DHRS3: variants seen among roughly 807,000 people sequenced by gnomAD.
The protein encoded by DHRS3 is dehydrogenase/reductase 3, also known as short-chain dehydrogenase/reductase 3.
In DHRS3, 14 loss-of-function variants were observed where a neutral mutation model predicts 27.2. The observed-to-expected ratio is 0.52, with a 90% CI of 0.34 to 0.81. The LOEUF (loss-of-function observed/expected upper bound fraction) is 0.81. DHRS3 is among the 30% of genes least tolerant of loss of function. The pLI, the probability that DHRS3 is intolerant of heterozygous loss-of-function variation, is 0.01. For missense variants in DHRS3, 322 were observed against 406.2 expected (o/e 0.79, Z 1.78); for synonymous variants, 165 against 175.9 (o/e 0.94, Z 0.49).
Position 12,568,347 on chromosome 1 carries a change from C to G in DHRS3, c.902G>C (p.Arg301Pro), listed in dbSNP as rs753987334. 6.2e-7 allele frequency: 1 copy of G among 1,613,706 alleles called. No homozygotes were observed. Among genetic ancestry groups the G allele is most frequent in the Non-Finnish European group, 8.5e-7 (1 of 1,179,656 alleles). ...CATGTCTTCATCCTGTCTCTATGTC[C>G]GCCCTTTGAAAGTGTTCATGCAGGT... is the stretch of plus-strand genomic sequence containing the variant. ...TYTCMNTFKG[R>P]T is the part of the protein sequence containing the mutation. Residue 301 changes from arginine (R) to proline (P), a missense_variant, in exon 6 of 6, where the codon CGG becomes CCG. Arg to Pro is a moderately radical substitution (Grantham distance 103). Coordinates refer to ENST00000616661, the MANE Select transcript of DHRS3 (RefSeq NM_004753.7).
chr1:12,596,304 C>T (rs1646796874), intron 1 of DHRS3: 1 of 152,196 alleles, frequency 6.6e-6, no homozygotes, highest in Admixed American at 6.5e-5. Context: ...TCTGTCTCCG[C>T]TTCCCCGAGA....
chr1:12,570,237 C>T (rs943165558), intron 5 of DHRS3, among the ~76,000 whole-genome samples: 1 of 152,194 alleles, frequency 6.6e-6, no homozygotes, highest in African/African-American at 2.4e-5. Context: ...CACCTTCAGG[C>T]TTCTCCTCGT....
At chr1:12,573,090 C>A (rs571347960) in intron 4 of DHRS3, among the ~76,000 whole-genome samples, 38 of 152,188 alleles carry the variant, frequency 2.5e-4, no homozygotes, top group Non-Finnish European at 4.3e-4. Flanking sequence ...CACTGGGGAC[C>A]CACTCTCCCA....
In DHRS3 at chr1:12,573,618, C is replaced by T. The variant is rs117204694; in HGVS notation, c.699-765G>A. ...TGTCTGGAGGCAGGGGCTTGGCTAG[C>T]GATGGCTGGGGCTCAGCTTGCTGGT... On this transcript the variant is annotated intron_variant, in intron 4 of 5. Transcript: ENST00000616661. Among the ~76,000 whole-genome samples, 81 of 152,354 alleles carry T rather than the reference C, an allele frequency of 5.3e-4. 1 individual carries two copies. The East Asian group carries it at 0.014, about 27-fold the overall frequency.
chr1:12,579,513 T>C, intron 2 of DHRS3, 101 bp from the exon 3 acceptor site: 2 of 1,498,286 alleles, frequency 1.3e-6, no homozygotes, highest in South Asian at 2.6e-5. Context: ...TCTCACTCTG[T>C]TGTCCAGGCT....
rs1272613952 is a variant in DHRS3, at chr1:12,592,902, C to T, written c.196-12236G>A. Reference sequence around the variant, plus strand: ...CTCTCACTGTATGCCCACTCCACCACGCACCCTGTCAGCCTGACCTCTGAA... The same window carrying T: ...CTCTCACTGTATGCCCACTCCACCATGCACCCTGTCAGCCTGACCTCTGAA... On this transcript the variant is annotated intron_variant, in intron 1 of 5. Coordinates refer to ENST00000616661, the MANE Select transcript of DHRS3 (RefSeq NM_004753.7). This position sits in a 1 kb window ranked among gnomAD's most constrained non-coding sequence, Gnocchi z 4.2. Among the ~76,000 whole-genome samples, 2 of 152,192 alleles carry T rather than the reference C, an allele frequency of 1.3e-5. No homozygotes were observed. The highest frequency in any genetic ancestry group is 6.5e-5 in the Admixed American group (1 of 15,276).
chr1:12,595,223 G>C (rs1646783362), intron 1 of DHRS3, among the ~76,000 whole-genome samples: 1 of 152,212 alleles, frequency 6.6e-6, no homozygotes, highest in Non-Finnish European at 1.5e-5. Context: ...CAAAGTGCCC[G>C]GGCCGTCCCA....
intron 1 of DHRS3, among the ~76,000 whole-genome samples, chr1:12,613,443 G>A (rs145442200): frequency 3.9e-5 from 6 of 152,320 alleles, no homozygotes; most frequent in African/African-American, 1.4e-4. Flanking sequence ...CAGGCCCAGA[G>A]CTGTGCCAAA....
chr1:12,571,436 A>G (rs1238261880), intron 5 of DHRS3, among the ~76,000 whole-genome samples: 5 of 151,914 alleles, frequency 3.3e-5, no homozygotes, highest in African/African-American at 1.2e-4. Context: ...GGCAGGGGCT[A>G]TGTCCAATAG....
intron 1 of DHRS3, among the ~76,000 whole-genome samples, chr1:12,605,226 T>C (rs1328820277): frequency 1.3e-5 from 2 of 152,196 alleles, no homozygotes; most frequent in African/African-American, 2.4e-5. Context: ...ATTACCATGG[T>C]CATGTACAGT....
In DHRS3 at chr1:12,616,695, C is replaced by T. The variant is rs561472203; in HGVS notation, c.195+459G>A. ...TCTCTCGTGTCTTCAGAGCTGCAGC[C>T]GCCCAGGTTGGGGCTGGGTAGCGGG... On this transcript the variant is annotated intron_variant, in intron 1 of 5. Transcript: ENST00000616661. 7.1e-5 allele frequency: 71 copies of T among 1,004,468 alleles called. 2 individuals are homozygous for T. The South Asian group carries it at 2.9e-3, about 41-fold the overall frequency. 62.2% of individuals were successfully genotyped at this position (1,004,468 alleles called of 1,614,324 possible). A position where few individuals can be genotyped will look rare whatever the true frequency, so the allele number is the denominator to read the frequency against.
Position 12,617,629 on chromosome 1 carries a change from A to G in DHRS3, c.-281T>C, listed in dbSNP as rs1646954228. 9.8e-6 allele frequency: 3 copies of G among 307,172 alleles called. No individual in the cohort carries two copies. Among genetic ancestry groups the G allele is most frequent in the Non-Finnish European group, 1.8e-5 (3 of 169,706 alleles). The allele number at this position is 307,172 out of a possible 1,614,324, so 19.0% of individuals were successfully genotyped here. A position where few individuals can be genotyped will look rare whatever the true frequency, so the allele number is the denominator to read the frequency against. On this transcript the variant is annotated 5_prime_UTR_variant, in exon 1 of 6. Coordinates refer to ENST00000616661, the MANE Select transcript of DHRS3 (RefSeq NM_004753.7). ...GGGGAAGCCGGAGGTGGAAAGTTCT[A>G]ACAAGAAGTTTCTTGCCCCAGCAGC...
intron 4 of DHRS3, among the ~76,000 whole-genome samples, chr1:12,573,341 C>T (rs1469019386): frequency 6.6e-6 from 1 of 152,212 alleles, no homozygotes; most frequent in Non-Finnish European, 1.5e-5. Context: ...TCCAAAGCGA[C>T]CTCTGATCCT....
rs1387050615 is a variant in DHRS3, at chr1:12,608,360, A to G, written c.195+8794T>C. Reference sequence around the variant, plus strand: ...AGCATCCAGTTCAGAAGCCACAGGAATCTAAGCCTGAGTGAAGGATGTGAG... The same window carrying G: ...AGCATCCAGTTCAGAAGCCACAGGAGTCTAAGCCTGAGTGAAGGATGTGAG... On this transcript the variant is annotated intron_variant, in intron 1 of 5. Transcript: ENST00000616661. The surrounding 1 kb of genome is among the most constrained non-coding windows in gnomAD (Gnocchi z 4.1). 6.6e-6 allele frequency among the ~76,000 whole-genome samples: 1 copy of G among 152,136 alleles called. No individual in the cohort carries two copies. The highest frequency in any genetic ancestry group is 1.5e-5 in the Non-Finnish European group (1 of 68,028).
At position 12,593,791 on chromosome 1, in the gene DHRS3, G is replaced by A. The variant is rs1340158303; in HGVS notation, c.196-13125C>T. Among the ~76,000 whole-genome samples, 2 of 152,110 alleles carry A rather than the reference G, an allele frequency of 1.3e-5. No homozygotes were observed. Among genetic ancestry groups the A allele is most frequent in the Non-Finnish European group, 2.9e-5 (2 of 68,024 alleles). ...GATTCTTGCGAAACTTTTTGGTTCTGGGACCACTCAGAAAACTCTCCAGGG... is the reference window on the plus strand; with the variant it reads ...GATTCTTGCGAAACTTTTTGGTTCTAGGACCACTCAGAAAACTCTCCAGGG... On this transcript the variant is annotated intron_variant, in intron 1 of 5. Coordinates refer to ENST00000616661, the MANE Select transcript of DHRS3 (RefSeq NM_004753.7). This position sits in a 1 kb window ranked among gnomAD's most constrained non-coding sequence, Gnocchi z 4.6.
At chr1:12,585,467 G>C (rs1049589843) in intron 1 of DHRS3, among the ~76,000 whole-genome samples, 9 of 152,174 alleles carry the variant, frequency 5.9e-5, no homozygotes. Flanking sequence ...GATGCTGGGA[G>C]TCGCAGGGAA....
chr1:12,577,980 G>A (rs572395730), intron 4 of DHRS3, among the ~76,000 whole-genome samples: 1 of 152,088 alleles, frequency 6.6e-6, no homozygotes, highest in Non-Finnish European at 1.5e-5. Context: ...TAGTTCCCTC[G>A]CCTCCCTCCC....
chr1:12,599,551 C>A lies in DHRS3; in HGVS notation c.195+17603G>T, dbSNP rs567016976. Among the ~76,000 whole-genome samples the A allele has an allele frequency of 2.0e-5, 3 of 152,332 alleles. No individual in the cohort carries two copies. In the South Asian group the frequency reaches 6.2e-4, roughly 32 times the overall value. ...TCCCAATCATGTCCAGACTTCACCC[C>A]ACAACCACCAGGCTCTATGAGGTAT... On this transcript the variant is annotated intron_variant, in intron 1 of 5. Coordinates refer to ENST00000616661, the MANE Select transcript of DHRS3 (RefSeq NM_004753.7).
intron 5 of DHRS3, among the ~76,000 whole-genome samples, chr1:12,569,800 A>G (rs1646519825): frequency 6.6e-6 from 1 of 152,220 alleles, no homozygotes; most frequent in African/African-American, 2.4e-5. Context: ...TCCTGACCTC[A>G]GGTGATCTGC....
Sources: gnomAD v4.1 joint callset for allele counts (sites outside exome capture counted in the v4.1 genomes callset) on GRCh38, gnomAD v4.1.1 for gene constraint, Gnocchi (gnomAD v3.1) non-coding constraint, MANE v1.5 for transcripts, NCBI Gene and HGNC (gene_info 2026-07-23, HGNC 2026-07-21) for gene names.